The following CLXN variants were observed in gnomAD, a reference collection of about 807,000 sequenced individuals.
The protein encoded by CLXN is calaxin.
At chr8:48,719,801 A>C in the CLXN span, among the ~76,000 whole-genome samples, 1 of 152,344 alleles carries the variant, frequency 6.6e-6, no homozygotes, top group Admixed American at 6.5e-5. Flanking sequence ...AAAAGCCCAC[A>C]GCTAACATCA....
the CLXN span, among the ~76,000 whole-genome samples, chr8:48,716,899 A>G: frequency 3.3e-5 from 5 of 152,360 alleles, no homozygotes; most frequent in African/African-American, 1.2e-4. Context: ...TTACTTAACT[A>G]ATTAATGGCT....
chr8:48,714,604 G>C, the CLXN span, among the ~76,000 whole-genome samples: 2 of 152,174 alleles, frequency 1.3e-5, no homozygotes, highest in Admixed American at 6.5e-5. Context: ...TCTAAGAATA[G>C]TACTTTAAAT....
the CLXN span, among the ~76,000 whole-genome samples, chr8:48,726,752 T>G: frequency 7.1e-6 from 1 of 140,568 alleles, no homozygotes; most frequent in Non-Finnish European, 1.5e-5. Context: ...CACCCATCCA[T>G]CCATCCATCT....
At chr8:48,735,055 C>G in the CLXN span, 1 of 1,612,568 alleles carries the variant, frequency 6.2e-7, no homozygotes, top group Non-Finnish European at 8.5e-7. Context: ...AGGCTCGGTC[C>G]AGGAGCCTCG....
At chr8:48,712,990 CAAAAAA>C in the CLXN span, among the ~76,000 whole-genome samples, 2 of 99,552 alleles carry the variant, frequency 2.0e-5, no homozygotes, top group Non-Finnish European at 3.9e-5. Context: ...ACTCCTCTGT[CAAAAAA>C]AAAAAAAAAA....
At chr8:48,731,418 C>T in the CLXN span, 2 of 1,613,314 alleles carry the variant, frequency 1.2e-6, no homozygotes, top group African/African-American at 1.3e-5. Context: ...CATTACGATC[C>T]AGTCCAACAA....
the CLXN span, chr8:48,731,604 A>G: frequency 1.1e-6 from 1 of 939,926 alleles, no homozygotes; most frequent in Non-Finnish European, 1.5e-6. Context: ...CAAAGACATC[A>G]AATAGGTAAT....
chr8:48,734,969 G>A, the CLXN span: 1 of 1,082,718 alleles, frequency 9.2e-7, no homozygotes, highest in Non-Finnish European at 1.3e-6. Flanking sequence ...CGGGGTGGAG[G>A]GGCGGTAGGT....
At chr8:48,717,902 A>G in the CLXN span, among the ~76,000 whole-genome samples, 1 of 152,202 alleles carries the variant, frequency 6.6e-6, no homozygotes, top group African/African-American at 2.4e-5. Flanking sequence ...AAAAACAATC[A>G]TTACAAAACA....
At chr8:48,728,984 G>T in the CLXN span, 1 of 1,291,276 alleles carries the variant, frequency 7.7e-7, no homozygotes, top group Non-Finnish European at 1.1e-6. Context: ...AAATCAAGAA[G>T]TCCTGGGTTG....
chr8:48,715,908 T>C, the CLXN span: 1 of 152,234 alleles, frequency 6.6e-6, no homozygotes, highest in Non-Finnish European at 1.5e-5. Context: ...AATCCTTGAA[T>C]TTCCTGACAA....
chr8:48,719,473 A>G, the CLXN span, among the ~76,000 whole-genome samples: 1 of 152,194 alleles, frequency 6.6e-6, no homozygotes, highest in South Asian at 2.1e-4. Context: ...AGAAAAGAAA[A>G]CTACAAGCCA....
the CLXN span, chr8:48,723,276 T>C: frequency 6.6e-6 from 1 of 152,204 alleles, no homozygotes; most frequent in Non-Finnish European, 1.5e-5. Flanking sequence ...TTTTAAATTA[T>C]CAATTTTCCC....
chr8:48,731,951 A>T, the CLXN span, among the ~76,000 whole-genome samples: 1 of 152,194 alleles, frequency 6.6e-6, no homozygotes, highest in African/African-American at 2.4e-5. Context: ...TTTAGCCTTC[A>T]TTAATTCATA....
the CLXN span, among the ~76,000 whole-genome samples, chr8:48,728,465 A>G: frequency 6.6e-6 from 1 of 152,104 alleles, no homozygotes; most frequent in South Asian, 2.1e-4. Context: ...CTCAAGTTCC[A>G]CAACACTCTA....
chr8:48,722,755 G>T, the CLXN span, among the ~76,000 whole-genome samples: 2 of 96,858 alleles, frequency 2.1e-5, no homozygotes, highest in African/African-American at 8.7e-5. Flanking sequence ...TAGTGTCCCT[G>T]TCTCCCCATT....
the CLXN span, among the ~76,000 whole-genome samples, chr8:48,727,367 G>GAT: frequency 3.3e-5 from 5 of 152,182 alleles, no homozygotes; most frequent in Non-Finnish European, 7.3e-5. Context: ...AGGCGAGACA[G>GAT]ATATACCTAG....
At chr8:48,725,397 A>T in the CLXN span, among the ~76,000 whole-genome samples, 1 of 152,228 alleles carries the variant, frequency 6.6e-6, no homozygotes, top group Admixed American at 6.5e-5. Flanking sequence ...AAGCCATTAT[A>T]TAAGAAACAG....
chr8:48,735,226 G>A, the CLXN span: 2 of 1,556,124 alleles, frequency 1.3e-6, no homozygotes, highest in South Asian at 1.1e-5. Context: ...CGGGACCCCC[G>A]CGAGCCCTGG....
Sources: gnomAD v4.1 joint callset for allele counts (sites outside exome capture counted in the v4.1 genomes callset) on GRCh38, gnomAD v4.1.1 for gene constraint, MANE v1.5 for transcripts, NCBI Gene and HGNC (gene_info 2026-07-23, HGNC 2026-07-21) for gene names.